OR3A2: variants seen among roughly 807,000 people sequenced by gnomAD.
OR3A2 encodes olfactory receptor family 3 subfamily A member 2, also known as olfactory receptor 3A2.
For missense variants in OR3A2, 318 were observed against 392.8 expected (o/e 0.81, Z 1.61); for synonymous variants, 126 against 159.3 (o/e 0.79, Z 1.57).
intron 2 of OR3A2, among the ~76,000 whole-genome samples, chr17:3,373,426 C>T (rs2049650787): frequency 6.6e-6 from 1 of 152,078 alleles, no homozygotes; most frequent in African/African-American, 2.4e-5. Context: ...TGCCATCTAT[C>T]TCATTTCTTA....
rs149668217 is a variant in OR3A2 at position 3,310,666 on chromosome 17, C to T, written c.-85+25367G>A. 306 of 543,024 alleles carry T rather than the reference C, an allele frequency of 5.6e-4. 1 individual carries two copies. In the Middle Eastern group the frequency reaches 6.3e-3, roughly 11 times the overall value. 33.6% of individuals were successfully genotyped at this position (543,024 alleles called of 1,614,324 possible). ...GCTGGGGCAGACTGCTTCTTGCTGA[C>T]CATCATGGCCTATGACCGCTATCTG... On this transcript the variant is annotated intron_variant, in intron 3 of 4. Coordinates refer to the OR3A2 transcript ENST00000573491.
intron 1 of OR3A2, among the ~76,000 whole-genome samples, chr17:3,280,396 T>C (rs1349767909): frequency 6.6e-6 from 1 of 151,936 alleles, no homozygotes; most frequent in Non-Finnish European, 1.5e-5. Flanking sequence ...CTCAGCCTCC[T>C]GAATAGCTGG....
chr17:3,347,878 C>A (rs528578250), intron 2 of OR3A2, among the ~76,000 whole-genome samples: 4 of 152,310 alleles, frequency 2.6e-5, no homozygotes, highest in African/African-American at 9.6e-5. Flanking sequence ...AAAAGTGTTC[C>A]TATTTCTCCA....
At chr17:3,326,236 T>G (rs899388369) in intron 3 of OR3A2, among the ~76,000 whole-genome samples, 3 of 152,150 alleles carry the variant, frequency 2.0e-5, no homozygotes, top group Non-Finnish European at 4.4e-5. Flanking sequence ...TTATGAATAG[T>G]GCTGCAATGA....
intron 2 of OR3A2, among the ~76,000 whole-genome samples, chr17:3,356,899 C>T (rs2049469522): frequency 6.6e-6 from 1 of 151,460 alleles, no homozygotes; most frequent in African/African-American, 2.4e-5. Flanking sequence ...ATTTTTTTCA[C>T]TAGAAGTTTC....
chr17:3,323,764 G>A (rs1214895152), intron 3 of OR3A2, among the ~76,000 whole-genome samples: 4 of 152,030 alleles, frequency 2.6e-5, no homozygotes, highest in Non-Finnish European at 5.9e-5. Flanking sequence ...TGGGTAACCC[G>A]ACCTTTCTCT....
At position 3,311,639 on chromosome 17, in the gene OR3A2, C is replaced by G; in HGVS notation, c.-85+24394G>C. The G allele has an allele frequency of 2.9e-6, 1 of 341,576 alleles. No individual in the cohort carries two copies. 21.2% of individuals were successfully genotyped at this position (341,576 alleles called of 1,614,324 possible). A position where few individuals can be genotyped will look rare whatever the true frequency, so the allele number is the denominator to read the frequency against. ...GGAGTGATCCCCATGATCTTTATCT[C>G]AGTGTCCTATGCCCACGTCACAGCT... On this transcript the variant is annotated intron_variant, in intron 3 of 4. Coordinates refer to the OR3A2 transcript ENST00000573491. This position sits in a 1 kb window ranked among gnomAD's most constrained non-coding sequence, Gnocchi z 4.6.
chr17:3,287,652 C>T (rs554582582), upstream of OR3A2, among the ~76,000 whole-genome samples: 5 of 152,050 alleles, frequency 3.3e-5, no homozygotes, highest in South Asian at 2.1e-4. Context: ...CTGGACATTA[C>T]GAATATTCAG....
At chr17:3,306,552 G>A (rs779316726) in intron 3 of OR3A2, among the ~76,000 whole-genome samples, 4 of 151,906 alleles carry the variant, frequency 2.6e-5, no homozygotes, top group Non-Finnish European at 5.9e-5. Flanking sequence ...TAGAGTGTTT[G>A]TGGGGGGTGG....
At chr17:3,370,819 G>A (rs1001410711) in intron 2 of OR3A2, among the ~76,000 whole-genome samples, 106 of 151,570 alleles carry the variant, frequency 7.0e-4, no homozygotes, top group African/African-American at 2.2e-3. Flanking sequence ...TTAGGGAGTG[G>A]TGATGACTCT....
chr17:3,278,080 A>G, exon 2 of OR3A2: 1 of 1,614,222 alleles, frequency 6.2e-7, no homozygotes, highest in Non-Finnish European at 8.5e-7. Flanking sequence ...ACAGTGTTGA[A>G]AACTCCAACC....
At chr17:3,357,430 T>A (rs578020479) in intron 2 of OR3A2, among the ~76,000 whole-genome samples, 1 of 151,630 alleles carries the variant, frequency 6.6e-6, no homozygotes, top group Non-Finnish European at 1.5e-5. Context: ...ATTAAGAACA[T>A]CTTAGAACAT....
intron 2 of OR3A2, among the ~76,000 whole-genome samples, chr17:3,377,097 G>A (rs895322266): frequency 9.2e-5 from 14 of 152,190 alleles, no homozygotes; most frequent in Middle Eastern, 3.4e-3. Context: ...AGTTTGCAGC[G>A]GCAAGCTGCT....
upstream of OR3A2, among the ~76,000 whole-genome samples, chr17:3,288,695 T>A (rs1444947174): frequency 2.0e-5 from 3 of 152,218 alleles, no homozygotes; most frequent in Non-Finnish European, 4.4e-5. Context: ...AGCATTTGCA[T>A]ACACTGCCAA....
At chr17:3,375,332 T>G (rs2049674752) in intron 2 of OR3A2, among the ~76,000 whole-genome samples, 1 of 138,008 alleles carries the variant, frequency 7.2e-6, no homozygotes, top group African/African-American at 2.7e-5. Flanking sequence ...TGAGACAGTC[T>G]CACTCAGTCA....
At chr17:3,367,459 G>A (rs1053643862) in intron 2 of OR3A2, among the ~76,000 whole-genome samples, 4 of 150,542 alleles carry the variant, frequency 2.7e-5, no homozygotes, top group Admixed American at 2.0e-4. Context: ...GAGAACATAT[G>A]ATGTTTGATT....
chr17:3,366,917 G>C (rs1324350490), intron 2 of OR3A2, among the ~76,000 whole-genome samples: 1 of 152,160 alleles, frequency 6.6e-6, no homozygotes, highest in African/African-American at 2.4e-5. Flanking sequence ...CATCTCATTA[G>C]CCAGAACCAG....
rs146240370 is a variant in OR3A2, at chr17:3,334,134, G to T, written c.-85+1899C>A. Reference sequence around the variant, plus strand: ...ATGCTGGCGAGGTTGCAGAGAAAAAGGAGCGCTTTTACATTGTTAGTGGGA... The same window carrying T: ...ATGCTGGCGAGGTTGCAGAGAAAAATGAGCGCTTTTACATTGTTAGTGGGA... On this transcript the variant is annotated intron_variant, in intron 3 of 4. Coordinates refer to the OR3A2 transcript ENST00000573491. Among the ~76,000 whole-genome samples the T allele has an allele frequency of 8.9e-3, 1,354 of 152,294 alleles. 22 individuals carry two copies. Among genetic ancestry groups the T allele is most frequent in the African/African-American group, 0.031 (1,289 of 41,540 alleles).
chr17:3,315,468 C>T (rs2318023), intron 3 of OR3A2, among the ~76,000 whole-genome samples: 25,682 of 152,002 alleles, frequency 0.17, 3,141 homozygotes, highest in African/African-American at 0.34. Context: ...CTGGGTTTGT[C>T]GGCCACTTGT....
Sources: allele counts gnomAD v4.1 joint callset (sites outside exome capture counted in the v4.1 genomes callset), GRCh38; gene constraint gnomAD v4.1.1; non-coding constraint Gnocchi (gnomAD v3.1); transcripts MANE v1.5; gene names NCBI Gene and HGNC (gene_info 2026-07-23, HGNC 2026-07-21).